ARHGAP12: variants seen among roughly 807,000 people sequenced by gnomAD.
ARHGAP12 encodes the protein rho GTPase-activating protein 12.
ARHGAP12 carries 64 observed loss-of-function variants against 108.6 expected under a neutral mutation model. That is an observed-to-expected ratio of 0.59 (90% CI 0.48 to 0.73). The LOEUF is 0.73. Ranked by LOEUF, ARHGAP12 falls within the 30% of genes least tolerant of loss-of-function variation. The pLI, the probability that ARHGAP12 is intolerant of heterozygous loss-of-function variation, is 0.00. For synonymous variants in ARHGAP12, 312 were observed against 337.2 expected, an observed-to-expected ratio of 0.93 and a Z score of 0.82; for missense variants, 940 against 1,005.9, an observed-to-expected ratio of 0.93 and a Z score of 0.89.
At position 31,823,387 on chromosome 10, in the gene ARHGAP12, A is replaced by G. The variant is rs896422843; in HGVS notation, c.1531-2899T>C. ...GGCTCACTAGATTTTTGGATGAGAC[A>G]GCACCAATGTAAAATATTTCTTATA... On this transcript the variant is annotated intron_variant, in intron 11 of 19. Coordinates refer to ENST00000344936, the MANE Select transcript of ARHGAP12 (RefSeq NM_018287.7). Among the ~76,000 whole-genome samples the G allele has an allele frequency of 1.6e-4, 24 of 152,260 alleles. No homozygotes were observed. The South Asian group carries it at 3.1e-3, about 20-fold the overall frequency.
At chr10:31,812,664 T>C (rs201226665) in intron 15 of ARHGAP12, 43 bp downstream of exon 15, 7 of 1,199,670 alleles carry the variant, frequency 5.8e-6, no homozygotes, top group Middle Eastern at 1.9e-4. Context: ...ATTTATGACG[T>C]AGGCCAACAT....
intron 3 of ARHGAP12, among the ~76,000 whole-genome samples, chr10:31,896,419 T>C (rs900716175): frequency 2.6e-5 from 4 of 152,060 alleles, no homozygotes; most frequent in Non-Finnish European, 5.9e-5. Flanking sequence ...CTAAGCTTTA[T>C]AGATTTCTGG....
intron 3 of ARHGAP12, among the ~76,000 whole-genome samples, chr10:31,891,411 C>T (rs986722641): frequency 1.3e-5 from 2 of 152,178 alleles, no homozygotes; most frequent in South Asian, 2.1e-4. Flanking sequence ...TATTGGCTCC[C>T]ACTCTCTTCT....
chr10:31,879,778 T>C (rs1242525822), intron 3 of ARHGAP12, among the ~76,000 whole-genome samples: 1 of 152,180 alleles, frequency 6.6e-6, no homozygotes, highest in Non-Finnish European at 1.5e-5. Flanking sequence ...ATAAATTCCA[T>C]AACTAATACC....
At chr10:31,821,939 TAAC>T (rs1835431571) in intron 11 of ARHGAP12, among the ~76,000 whole-genome samples, 1 of 152,180 alleles carries the variant, frequency 6.6e-6, no homozygotes, top group Non-Finnish European at 1.5e-5. Flanking sequence ...AACATACATT[TAAC>T]AAAATGACAA....
intron 3 of ARHGAP12, among the ~76,000 whole-genome samples, chr10:31,888,149 A>C (rs1304241160): frequency 6.6e-6 from 1 of 152,116 alleles, no homozygotes; most frequent in Non-Finnish European, 1.5e-5. Flanking sequence ...CTAGAGACCC[A>C]CAGTCAGAAA....
intron 10 of ARHGAP12, chr10:31,826,872 G>A (rs1422850067): frequency 6.5e-6 from 1 of 152,708 alleles, no homozygotes; most frequent in Non-Finnish European, 1.5e-5. Context: ...GGTACTAGGT[G>A]CATTACAGGC....
Position 31,831,749 on chromosome 10 carries a change from TC to T in ARHGAP12, c.1437del (p.Lys481ArgfsTer65). The T allele has an allele frequency of 2.5e-6, 4 of 1,579,360 alleles. No homozygotes were observed. Among genetic ancestry groups the T allele is most frequent in the Non-Finnish European group, 3.5e-6 (4 of 1,151,184 alleles). The stretch of plus-strand genomic sequence containing the variant: ...GACTTGTGTACTTACCGAACCTTTT[TC>T]CCATTTTCAGCAATTTTTGTTACAT... ...LLNVTKIAENGKKVRKNWLSS... is the reference protein window; with the variant it reads ...LLNVTKIAENXKKVRKNWLSS... On this transcript the variant is annotated frameshift_variant, in exon 10 of 20. Transcript: ENST00000344936. LOFTEE classifies it high-confidence loss of function.
At position 31,817,890 on chromosome 10, in the gene ARHGAP12, T is replaced by C; in HGVS notation, c.1633-4A>G. On this transcript the variant is annotated splice_polypyrimidine_tract_variant and splice_region_variant and intron_variant, in intron 12 of 19. Transcript: ENST00000344936. ...CTGTTCCTTGACGAGTTTTCAGCTT[T>C]AGAGAAAAGCAGGGAGAAAAAAGAG... The C allele has an allele frequency of 6.2e-7, 1 of 1,606,616 alleles. No homozygotes were observed. The highest frequency in any genetic ancestry group is 1.1e-5 in the South Asian group (1 of 89,802).
intron 3 of ARHGAP12, among the ~76,000 whole-genome samples, chr10:31,868,611 G>C (rs552407184): frequency 6.6e-6 from 1 of 152,136 alleles, no homozygotes; most frequent in Non-Finnish European, 1.5e-5. Context: ...GGGGTGGCAA[G>C]TGGTGATAGT....
chr10:31,907,711 C>T (rs1839194326), intron 3 of ARHGAP12, among the ~76,000 whole-genome samples: 1 of 151,108 alleles, frequency 6.6e-6, no homozygotes, highest in Admixed American at 6.6e-5. Context: ...AGTGTGGATA[C>T]TTAGACACTT....
intron 1 of ARHGAP12, among the ~76,000 whole-genome samples, chr10:31,918,019 C>T (rs1839634358): frequency 6.6e-6 from 1 of 151,440 alleles, no homozygotes; most frequent in South Asian, 2.1e-4. Flanking sequence ...GCAGTGGTAC[C>T]ATCATAGCTC....
At chr10:31,871,989 C>A (rs1028717966) in intron 3 of ARHGAP12, among the ~76,000 whole-genome samples, 67 of 152,330 alleles carry the variant, frequency 4.4e-4, no homozygotes, top group African/African-American at 1.6e-3. Flanking sequence ...AGCCTTACTT[C>A]TCTACAGCTC....
At chr10:31,864,266 T>A (rs1837239369) in intron 3 of ARHGAP12, among the ~76,000 whole-genome samples, 1 of 152,192 alleles carries the variant, frequency 6.6e-6, no homozygotes, top group South Asian at 2.1e-4. Flanking sequence ...TTCCCATACA[T>A]AAGCAATGAC....
At chr10:31,876,500 C>T (rs1020448102) in intron 3 of ARHGAP12, among the ~76,000 whole-genome samples, 3 of 150,346 alleles carry the variant, frequency 2.0e-5, no homozygotes, top group Non-Finnish European at 3.0e-5. Flanking sequence ...CAGAGCAAGA[C>T]TCCATCTCAA....
intron 10 of ARHGAP12, among the ~76,000 whole-genome samples, chr10:31,831,468 T>C (rs181796544): frequency 6.6e-6 from 1 of 151,212 alleles, no homozygotes; most frequent in East Asian, 1.9e-4. Context: ...ACCATGTGCA[T>C]TTACTGCTTA....
chr10:31,904,930 C>T (rs1220473189), intron 3 of ARHGAP12, among the ~76,000 whole-genome samples: 1 of 151,924 alleles, frequency 6.6e-6, no homozygotes, highest in African/African-American at 2.4e-5. Context: ...ACCCGGCCTC[C>T]AAATTATTTC....
intron 7 of ARHGAP12, 71 bp from the exon 8 acceptor site, chr10:31,839,782 G>A: frequency 7.9e-7 from 1 of 1,259,264 alleles, no homozygotes; most frequent in South Asian, 1.5e-5. Flanking sequence ...ACTCACAGTG[G>A]GAGAGCTTAG....
chr10:31,908,388 G>A lies in ARHGAP12; in HGVS notation c.468C>T (p.Asn156=), dbSNP rs558804042. Reference sequence around the variant, plus strand: ...AATGTGAGTCATTGTTAAACTTTCCGTTATTATGGGTCAGGTCCAGGCTTA... The same window carrying A: ...AATGTGAGTCATTGTTAAACTTTCCATTATTATGGGTCAGGTCCAGGCTTA... The part of the protein sequence containing the change: ...VNLSLDLTHN[N]GKFNNDSHSP... Residue 156 remains asparagine (N), a synonymous_variant, in exon 3 of 20, where the codon AAC becomes AAT. Transcript: ENST00000344936. The A allele has an allele frequency of 2.7e-5, 44 of 1,614,148 alleles. No homozygotes were observed. Among genetic ancestry groups the A allele is most frequent in the Admixed American group, 2.0e-4 (12 of 60,018 alleles).
Sources: gnomAD v4.1 joint callset for allele counts (sites outside exome capture counted in the v4.1 genomes callset) on GRCh38, gnomAD v4.1.1 for gene constraint, MANE v1.5 for transcripts, NCBI Gene and HGNC (gene_info 2026-07-23, HGNC 2026-07-21) for gene names.